Variants in SNRNP48 observed in about 807,000 individuals in gnomAD.
The protein encoded by SNRNP48 is U11/U12 small nuclear ribonucleoprotein 48 kDa protein.
Under a neutral mutation model 47.0 loss-of-function variants are expected in SNRNP48, and 43 were observed. The observed-to-expected ratio is 0.92, with a 90% CI of 0.72 to 1.18. The LOEUF (loss-of-function observed/expected upper bound fraction) is 1.18, where lower values mean the gene tolerates loss of function less well. Ranked by LOEUF, SNRNP48 falls within the 50% of genes most tolerant of loss-of-function variation. The pLI is 0.00. For synonymous variants in SNRNP48, 138 were observed against 144.0 expected, an observed-to-expected ratio of 0.96 and a Z score of 0.30; for missense variants, 396 against 422.2, an observed-to-expected ratio of 0.94 and a Z score of 0.54.
intron 1 of SNRNP48, among the ~76,000 whole-genome samples, chr6:7,591,946 G>A (rs1280134091): frequency 6.6e-6 from 1 of 151,838 alleles, no homozygotes; most frequent in African/African-American, 2.4e-5. Flanking sequence ...TTGTCACCTA[G>A]TTCCTAGTCC....
intron 2 of SNRNP48, 112 bp downstream of exon 2, chr6:7,593,959 C>A: frequency 1.0e-6 from 1 of 996,698 alleles, no homozygotes; most frequent in Non-Finnish European, 1.5e-6. Context: ...ATAGCCCTTA[C>A]TTGAAGGGTT....
intron 6 of SNRNP48, 29 bp from the exon 7 acceptor site, chr6:7,605,368 AC>A: frequency 6.3e-7 from 1 of 1,591,362 alleles, no homozygotes; most frequent in South Asian, 1.1e-5. Flanking sequence ...CAGTTTTCTT[AC>A]CTGAAGTTCG....
Position 7,601,317 on chromosome 6 carries a change from G to T in SNRNP48, c.407-19G>T. The T allele has an allele frequency of 1.3e-6, 2 of 1,547,808 alleles. No homozygotes were observed. Among genetic ancestry groups the T allele is most frequent in the Non-Finnish European group, 8.7e-7 (1 of 1,154,736 alleles). ...TGCTTCATGTATTGTTTATTCTTGTGATTTTATTTTTACTTTAGGAATTTA... is the reference window on the plus strand; with the variant it reads ...TGCTTCATGTATTGTTTATTCTTGTTATTTTATTTTTACTTTAGGAATTTA... On this transcript the variant is annotated intron_variant, in intron 4 of 8. Transcript: ENST00000342415.
chr6:7,592,737 A>C (rs1171481409), intron 1 of SNRNP48, among the ~76,000 whole-genome samples: 1 of 152,160 alleles, frequency 6.6e-6, no homozygotes, highest in African/African-American at 2.4e-5. Flanking sequence ...GCAGAGAGAG[A>C]GAGCAAGAGT....
chr6:7,602,602 T>C (rs775801627), intron 5 of SNRNP48, 21 bp from the exon 6 acceptor site: 38 of 1,545,316 alleles, frequency 2.5e-5, no homozygotes, highest in Non-Finnish European at 3.3e-5. Context: ...ATATAATACT[T>C]TTATTTTATT....
intron 8 of SNRNP48, 142 bp downstream of exon 8, chr6:7,606,337 T>A: frequency 1.2e-6 from 1 of 823,414 alleles, no homozygotes; most frequent in Non-Finnish European, 1.8e-6. Context: ...CGATGATTCT[T>A]AACATTCATT....
chr6:7,602,234 A>G (rs972326640), intron 5 of SNRNP48, among the ~76,000 whole-genome samples: 1 of 152,198 alleles, frequency 6.6e-6, no homozygotes. Context: ...ATACTACACC[A>G]TTTTATATCA....
chr6:7,601,322 T>G lies in SNRNP48; in HGVS notation c.407-14T>G, dbSNP rs537036345. Reference sequence around the variant, plus strand: ...CATGTATTGTTTATTCTTGTGATTTTATTTTTACTTTAGGAATTTATTCTT... The same window carrying G: ...CATGTATTGTTTATTCTTGTGATTTGATTTTTACTTTAGGAATTTATTCTT... On this transcript the variant is annotated splice_polypyrimidine_tract_variant and intron_variant, in intron 4 of 8. Transcript: ENST00000342415. The G allele has an allele frequency of 1.3e-6, 2 of 1,557,254 alleles. No homozygotes were observed. Among genetic ancestry groups the G allele is most frequent in the East Asian group, 2.3e-5 (1 of 42,798 alleles).
intron 1 of SNRNP48, among the ~76,000 whole-genome samples, chr6:7,591,840 C>T (rs1386214808): frequency 6.6e-6 from 1 of 152,162 alleles, no homozygotes; most frequent in African/African-American, 2.4e-5. Flanking sequence ...GGATTTCCGC[C>T]GGTGTTTTAG....
Position 7,606,038 on chromosome 6 carries a change from G to T in SNRNP48, c.814G>T (p.Glu272Ter). 3 of 1,595,694 alleles carry T rather than the reference G, an allele frequency of 1.9e-6. No individual in the cohort carries two copies. The highest frequency in any genetic ancestry group is 2.6e-6 in the Non-Finnish European group (3 of 1,175,380). Residue 272 changes from glutamate (E) to a stop codon, truncating the protein, a stop_gained, in exon 8 of 9, where the codon GAA becomes TAA. Transcript: ENST00000342415. LOFTEE classifies it high-confidence loss of function. ...KAEDDAEKNE[E>*]RRSASVDSRQ... is the part of the protein sequence containing the mutation. ...TTCTTTTCTGTGTTTTAGGAATGAA[G>T]AAAGGCGATCAGCTTCAGTAGATTC...
At position 7,611,726 on chromosome 6, in the gene SNRNP48, C is replaced by T. The variant is rs1170758909; in HGVS notation, c.*2853C>T. On this transcript the variant is annotated 3_prime_UTR_variant, in exon 9 of 9. Coordinates refer to ENST00000342415, the MANE Select transcript of SNRNP48 (RefSeq NM_152551.4). ...TAATTCTATAAACATGTTCATAGGT[C>T]TTCCCCCTCGCCCCGCCCGTCTTCT... 2 of 151,854 alleles carry T rather than the reference C, an allele frequency of 1.3e-5. No homozygotes were observed. Among genetic ancestry groups the T allele is most frequent in the African/African-American group, 4.9e-5 (2 of 41,168 alleles). 9.4% of individuals were successfully genotyped at this position (151,854 alleles called of 1,614,324 possible).
chr6:7,600,604 T>G (rs542726286), intron 4 of SNRNP48: 1 of 152,290 alleles, frequency 6.6e-6, no homozygotes, highest in Non-Finnish European at 1.5e-5. Flanking sequence ...AGGTATTGTA[T>G]TTACTTTTTT....
chr6:7,592,126 G>A (rs1463552674), intron 1 of SNRNP48, among the ~76,000 whole-genome samples: 1 of 152,188 alleles, frequency 6.6e-6, no homozygotes, highest in Non-Finnish European at 1.5e-5. Context: ...GTCAGCAAAG[G>A]CTTCCTGGAC....
Position 7,595,100 on chromosome 6 carries a change from A to G in SNRNP48, c.405A>G (p.Gln135=). Residue 135 remains glutamine, a splice_region_variant and synonymous_variant, in exon 4 of 9, where the codon CAA becomes CAG. Transcript: ENST00000342415. ...AVGKDSDCYN[Q]RIYSSLPVEV... is the part of the protein sequence containing the mutation. ...GGAAAGACAGTGATTGTTATAATCA[A>G]AGTAAGTGGCATTACAGTTTAAGTG... 1 of 1,587,412 alleles carries G rather than the reference A, an allele frequency of 6.3e-7. No homozygotes were observed. Among genetic ancestry groups the G allele is most frequent in the Non-Finnish European group, 8.5e-7 (1 of 1,170,110 alleles).
chr6:7,596,548 T>G (rs1250187775), intron 4 of SNRNP48, among the ~76,000 whole-genome samples: 2 of 152,226 alleles, frequency 1.3e-5, no homozygotes, highest in African/African-American at 4.8e-5. Context: ...TATCTGGACT[T>G]GATTTCTCAG....
chr6:7,603,808 G>T (rs773459479), intron 6 of SNRNP48, among the ~76,000 whole-genome samples: 2 of 152,124 alleles, frequency 1.3e-5, no homozygotes, highest in Non-Finnish European at 2.9e-5. Context: ...TACTACCTTG[G>T]TGATTCTCAT....
intron 4 of SNRNP48, among the ~76,000 whole-genome samples, chr6:7,597,148 A>G (rs910862482): frequency 2.6e-5 from 4 of 152,214 alleles, no homozygotes; most frequent in Non-Finnish European, 4.4e-5. Flanking sequence ...TAATAGGTGA[A>G]GAAACAGGCA....
At position 7,608,128 on chromosome 6, in the gene SNRNP48, C is replaced by T. The variant is rs756260195; in HGVS notation, c.972-697C>T. 3.9e-5 allele frequency among the ~76,000 whole-genome samples: 6 copies of T among 152,146 alleles called. No homozygotes were observed. In the East Asian group the frequency reaches 5.8e-4, roughly 15 times the overall value. On this transcript the variant is annotated intron_variant, in intron 8 of 8. Transcript: ENST00000342415. ...AAGAAATACTTCTCAACAGGCTAAT[C>T]TTTGATATCCAACCCTGGGGTGGAC...
Position 7,595,036 on chromosome 6 carries a change from C to T in SNRNP48, c.341C>T (p.Ser114Leu). ...TTTTTTTTTTTGACAGATAAGGACT[C>T]ACAATTCCAGATAATTAAACAAGCT... ...KIPSITLNKD[S>L]QFQIIKQART... Residue 114 changes from serine (S) to leucine (L), a missense_variant, in exon 4 of 9, where the codon TCA (serine) becomes TTA (leucine). Physicochemically the swap from Ser to Leu is moderately radical, Grantham distance 145 (BLOSUM62 -2). Transcript: ENST00000342415. The T allele has an allele frequency of 3.1e-6, 5 of 1,591,110 alleles. No homozygotes were observed. Among genetic ancestry groups the T allele is most frequent in the East Asian group, 2.3e-5 (1 of 43,830 alleles).
Sources: gnomAD v4.1 joint callset for allele counts (sites outside exome capture counted in the v4.1 genomes callset) on GRCh38, gnomAD v4.1.1 for gene constraint, MANE v1.5 for transcripts, NCBI Gene and HGNC (gene_info 2026-07-23, HGNC 2026-07-21) for gene names.